LMO3: variants seen among roughly 807,000 people sequenced by gnomAD.
LMO3 encodes LIM domain only protein 3.
LMO3 carries 2 observed loss-of-function variants against 15.8 expected under a neutral mutation model. That is an observed-to-expected ratio of 0.13 (90% CI 0.05 to 0.40). The LOEUF (loss-of-function observed/expected upper bound fraction) is 0.40. LMO3 is among the 10% of genes least tolerant of loss of function. The pLI is 0.99. For synonymous variants in LMO3, 62 were observed against 63.8 expected, an observed-to-expected ratio of 0.97 and a Z score of 0.13; for missense variants, 86 against 182.2, an observed-to-expected ratio of 0.47 and a Z score of 3.04.
intron 2 of LMO3, chr12:16,594,463 G>T: frequency 2.3e-6 from 1 of 427,152 alleles, no homozygotes; most frequent in Non-Finnish European, 4.1e-6. Context: ...TTGTTTTCCA[G>T]ATCTTGTCCA....
intron 2 of LMO3, among the ~76,000 whole-genome samples, chr12:16,574,424 A>G (rs1942929074): frequency 6.6e-6 from 1 of 152,046 alleles, no homozygotes; most frequent in Admixed American, 6.6e-5. Flanking sequence ...CTGCTCTCCA[A>G]CCTAAAATCT....
chr12:16,564,323 C>T (rs1228827655), intron 2 of LMO3, among the ~76,000 whole-genome samples: 1 of 152,114 alleles, frequency 6.6e-6, no homozygotes, highest in Non-Finnish European at 1.5e-5. Context: ...TAAGACAAAA[C>T]AAGTTTAGAT....
rs1942314120 is a variant in LMO3, at chr12:16,559,567, G to A, written c.332+846C>T. 6.6e-6 allele frequency among the ~76,000 whole-genome samples: 1 copy of A among 152,030 alleles called. No homozygotes were observed. Among genetic ancestry groups the A allele is most frequent in the Non-Finnish European group, 1.5e-5 (1 of 68,018 alleles). ...ATGCTCCTCTCCAATGATAATAATT[G>A]TTTAATTATTAGCTATATCTGGACT... is the stretch of plus-strand genomic sequence containing the variant. On this transcript the variant is annotated intron_variant, in intron 3 of 3. Coordinates refer to ENST00000537304, the MANE Select transcript of LMO3 (RefSeq NM_018640.5). The surrounding 1 kb of genome is among the most constrained non-coding windows in gnomAD (Gnocchi z 4.1).
intron 2 of LMO3, among the ~76,000 whole-genome samples, chr12:16,595,440 G>A (rs1484564981): frequency 6.6e-6 from 1 of 151,332 alleles, no homozygotes; most frequent in Non-Finnish European, 1.5e-5. Context: ...TTTTGCTCAG[G>A]AAGTCTAATG....
intron 2 of LMO3, among the ~76,000 whole-genome samples, chr12:16,561,465 G>T (rs759672414): frequency 2.0e-5 from 3 of 151,920 alleles, no homozygotes; most frequent in South Asian, 2.1e-4. Context: ...CCAGTGTCAG[G>T]CTGACAGGAG....
In LMO3 at chr12:16,585,145, C is replaced by G. The variant is rs1455939066; in HGVS notation, c.206+15510G>C. ...TCATGGCTTCCCCCTTTGGGTGGCG[C>G]ATGCAAGCCCCAGTTCACAACGTTA... On this transcript the variant is annotated intron_variant, in intron 2 of 3. Coordinates refer to ENST00000537304, the MANE Select transcript of LMO3 (RefSeq NM_018640.5). The surrounding 1 kb of genome is among the most constrained non-coding windows in gnomAD (Gnocchi z 4.7). Among the ~76,000 whole-genome samples the G allele has an allele frequency of 6.6e-6, 1 of 152,176 alleles. No individual in the cohort carries two copies. The highest frequency in any genetic ancestry group is 1.5e-5 in the Non-Finnish European group (1 of 68,042).
Position 16,606,062 on chromosome 12 carries a change from T to A in LMO3, c.-9+4A>T, listed in dbSNP as rs568049804. 1.9e-6 allele frequency: 1 copy of A among 533,238 alleles called. No individual in the cohort carries two copies. Among genetic ancestry groups the A allele is most frequent in the African/African-American group, 1.9e-5 (1 of 51,818 alleles). The allele number at this position is 533,238 out of a possible 1,614,324, so 33.0% of individuals were successfully genotyped here. A position where few individuals can be genotyped will look rare whatever the true frequency, so the allele number is the denominator to read the frequency against. On this transcript the variant is annotated splice_donor_region_variant and intron_variant, in intron 1 of 3. Transcript: ENST00000537304. ...ACGCGTGTGTACACAGTTGCTGCACTTACCTTCTCAATTAAGCGATACAGG... is the reference window on the plus strand; with the variant it reads ...ACGCGTGTGTACACAGTTGCTGCACATACCTTCTCAATTAAGCGATACAGG...
chr12:16,563,069 G>A (rs1942457981), intron 2 of LMO3, among the ~76,000 whole-genome samples: 1 of 151,728 alleles, frequency 6.6e-6, no homozygotes, highest in Non-Finnish European at 1.5e-5. Context: ...CTGCCTCGCT[G>A]GAGGCTCCAT....
In LMO3 at chr12:16,596,788, A is replaced by G. The variant is rs534827745; in HGVS notation, c.206+3867T>C. ...AGTGATGAGTACCTTAAACATTATC[A>G]CTACAACTTTGCTATTTTTACACAG... On this transcript the variant is annotated intron_variant, in intron 2 of 3. Coordinates refer to ENST00000537304, the MANE Select transcript of LMO3 (RefSeq NM_018640.5). The surrounding 1 kb of genome is among the most constrained non-coding windows in gnomAD (Gnocchi z 4.3). 2.9e-4 allele frequency among the ~76,000 whole-genome samples: 44 copies of G among 151,804 alleles called. No individual in the cohort carries two copies. In the South Asian group the frequency reaches 8.9e-3, roughly 31 times the overall value.
In LMO3 at chr12:16,584,818, G is replaced by T. The variant is rs1943267128; in HGVS notation, c.206+15837C>A. Among the ~76,000 whole-genome samples, 1 of 152,186 alleles carries T rather than the reference G, an allele frequency of 6.6e-6. No individual in the cohort carries two copies. The highest frequency in any genetic ancestry group is 1.5e-5 in the Non-Finnish European group (1 of 68,034). ...CTCCCAGGAGATTTCTGAAGCAGGAGTGTAACTGGTATACATTGGATGAAG... is the reference window on the plus strand; with the variant it reads ...CTCCCAGGAGATTTCTGAAGCAGGATTGTAACTGGTATACATTGGATGAAG... On this transcript the variant is annotated intron_variant, in intron 2 of 3. Transcript: ENST00000537304. This position sits in a 1 kb window ranked among gnomAD's most constrained non-coding sequence, Gnocchi z 5.2.
At chr12:16,551,857 C>A (rs1302009587) in intron 3 of LMO3, among the ~76,000 whole-genome samples, 2 of 151,978 alleles carry the variant, frequency 1.3e-5, no homozygotes, top group Non-Finnish European at 1.5e-5. Context: ...TGTTAGTAAT[C>A]TAGAAGTGAT....
chr12:16,600,896 A>G, intron 1 of LMO3, 28 bp from the exon 2 acceptor site: 1 of 1,504,866 alleles, frequency 6.6e-7, no homozygotes, highest in South Asian at 1.1e-5. Flanking sequence ...CAAAAAAGAG[A>G]GCTGAGACTA....
At chr12:16,571,790 A>G (rs1244369802) in intron 2 of LMO3, among the ~76,000 whole-genome samples, 1 of 152,082 alleles carries the variant, frequency 6.6e-6, no homozygotes, top group Non-Finnish European at 1.5e-5. Context: ...TAACTGGATC[A>G]TTCAGCTAAC....
intron 2 of LMO3, among the ~76,000 whole-genome samples, chr12:16,578,471 T>A (rs1164904143): frequency 6.6e-6 from 1 of 152,164 alleles, no homozygotes; most frequent in African/African-American, 2.4e-5. Flanking sequence ...GGTCTCAGGC[T>A]GGCCCATGCT....
At chr12:16,572,745 C>A (rs1942859262) in intron 2 of LMO3, among the ~76,000 whole-genome samples, 8 of 149,122 alleles carry the variant, frequency 5.4e-5, no homozygotes, top group Admixed American at 5.4e-4. Flanking sequence ...ATGCTCTGCT[C>A]ACTGTTAATA....
intron 1 of LMO3, chr12:16,605,252 C>G (rs1943949260): frequency 7.9e-7 from 1 of 1,263,166 alleles, no homozygotes; most frequent in Non-Finnish European, 1.0e-6. Context: ...TCACATGCAG[C>G]GTTAGCATAG....
Position 16,586,230 on chromosome 12 carries a change from A to G in LMO3, c.206+14425T>C, listed in dbSNP as rs902547948. 1.3e-5 allele frequency among the ~76,000 whole-genome samples: 2 copies of G among 152,232 alleles called. No homozygotes were observed. The highest frequency in any genetic ancestry group is 2.9e-5 in the Non-Finnish European group (2 of 68,044). The stretch of plus-strand genomic sequence containing the variant: ...TTTCCTTCAGATGACTTCTTAAAAC[A>G]TAAGAATGGAAAAGCAGCATTTGAA... On this transcript the variant is annotated intron_variant, in intron 2 of 3. Transcript: ENST00000537304. This position sits in a 1 kb window ranked among gnomAD's most constrained non-coding sequence, Gnocchi z 4.3.
intron 2 of LMO3, among the ~76,000 whole-genome samples, chr12:16,592,269 T>A (rs1371248382): frequency 6.6e-6 from 1 of 151,966 alleles, no homozygotes; most frequent in African/African-American, 2.4e-5. Context: ...CAAACCCCAA[T>A]CCTGCCTCTC....
chr12:16,579,863 T>C (rs1943104731), intron 2 of LMO3, among the ~76,000 whole-genome samples: 1 of 152,210 alleles, frequency 6.6e-6, no homozygotes, highest in South Asian at 2.1e-4. Flanking sequence ...CTGTACTGAT[T>C]TAGATAATGA....
Sources: gnomAD v4.1 joint callset for allele counts (sites outside exome capture counted in the v4.1 genomes callset) on GRCh38, gnomAD v4.1.1 for gene constraint, Gnocchi (gnomAD v3.1) non-coding constraint, MANE v1.5 for transcripts, NCBI Gene and HGNC (gene_info 2026-07-23, HGNC 2026-07-21) for gene names.